The following KIAA1217 variants were observed in gnomAD, a reference collection of about 807,000 sequenced individuals.
KIAA1217 encodes the protein KIAA1217, also known as sickle tail protein homolog.
In KIAA1217, 88 loss-of-function variants were observed where a neutral mutation model predicts 163.9. That is an observed-to-expected ratio of 0.54 (90% CI 0.45 to 0.64). The LOEUF is 0.64. Among genes scored for constraint, KIAA1217 ranks in the 30% least tolerant of loss-of-function variants. KIAA1217 has a pLI of 0.00. For missense variants in KIAA1217, 2,372 were observed against 2,475.0 expected (o/e 0.96, Z 0.88); for synonymous variants, 903 against 923.1 (o/e 0.98, Z 0.39).
intron 1 of KIAA1217, among the ~76,000 whole-genome samples, chr10:23,772,426 A>G (rs971274489): frequency 2.0e-5 from 3 of 152,358 alleles, no homozygotes; most frequent in Admixed American, 6.5e-5. Flanking sequence ...AAAGGTAATA[A>G]TAATAATAAA....
chr10:24,473,678 A>C lies in KIAA1217; in HGVS notation c.1297A>C (p.Ser433Arg), dbSNP rs776777400. Reference sequence around the variant, plus strand: ...TCACCGCACCGCCATCCGGTCAGCGAGTGCTTATTGTAACCCCTCAATGCA... The same window carrying C: ...TCACCGCACCGCCATCCGGTCAGCGCGTGCTTATTGTAACCCCTCAATGCA... The part of the protein sequence containing the change: ...AYHRTAIRSA[S>R]AYCNPSMQAE... The change falls in exon 6 of 21, where the codon AGT becomes CGT. Residue 433 changes from serine to arginine, a missense_variant. Transcript: ENST00000376454. 3.7e-6 allele frequency: 6 copies of C among 1,614,108 alleles called. No homozygotes were observed. Among genetic ancestry groups the C allele is most frequent in the Non-Finnish European group, 5.1e-6 (6 of 1,180,030 alleles).
intron 2 of KIAA1217, among the ~76,000 whole-genome samples, chr10:24,349,590 C>T (rs1274519545): frequency 6.6e-6 from 1 of 152,224 alleles, no homozygotes; most frequent in Non-Finnish European, 1.5e-5. Flanking sequence ...CTTTGCAAAA[C>T]ACCTTCTTTT....
chr10:23,939,753 C>T (rs1843678319), intron 1 of KIAA1217, among the ~76,000 whole-genome samples: 1 of 151,466 alleles, frequency 6.6e-6, no homozygotes, highest in African/African-American at 2.4e-5. Flanking sequence ...AACAAGACTT[C>T]AACTAAATTG....
intron 2 of KIAA1217, among the ~76,000 whole-genome samples, chr10:24,286,422 A>G (rs2078539722): frequency 6.6e-6 from 1 of 151,772 alleles, no homozygotes; most frequent in African/African-American, 2.4e-5. Flanking sequence ...AACAAATTAT[A>G]TACATACACA....
chr10:23,897,049 G>A (rs963518955), intron 1 of KIAA1217, among the ~76,000 whole-genome samples: 7 of 152,002 alleles, frequency 4.6e-5, no homozygotes, highest in Non-Finnish European at 7.4e-5. Context: ...GGAAGCAAGT[G>A]ATAAATTTTT....
intron 5 of KIAA1217, chr10:24,466,857 A>G (rs187966090): frequency 4.4e-6 from 4 of 907,842 alleles, no homozygotes; most frequent in Non-Finnish European, 5.3e-6. Context: ...TTCTCTGCTT[A>G]CTTCATTGTG....
intron 2 of KIAA1217, among the ~76,000 whole-genome samples, chr10:24,014,338 G>A (rs1209488405): frequency 6.6e-6 from 1 of 152,090 alleles, no homozygotes; most frequent in African/African-American, 2.4e-5. Flanking sequence ...TCATATTCAG[G>A]CATAAGGTAA....
At chr10:24,258,866 T>C (rs1211144982) in intron 2 of KIAA1217, among the ~76,000 whole-genome samples, 1 of 152,172 alleles carries the variant, frequency 6.6e-6, no homozygotes, top group East Asian at 1.9e-4. Context: ...GTGCTGGGAT[T>C]ACAGGCGTGA....
At position 24,543,713 on chromosome 10, in the gene KIAA1217, G is replaced by A; in HGVS notation, c.4443G>A (p.Glu1481=). ...GAATGATGATGGAGGAAAAGATAGA[G>A]GAGGAGGAAGAGGAGGAAAATGGGG... ...LERMMMEEKI[E]EEEEEENGDS... The change falls in exon 19 of 21, where the codon GAG becomes GAA. Residue 1481 remains glutamate (E), a synonymous_variant. Coordinates refer to ENST00000376454, the MANE Select transcript of KIAA1217 (RefSeq NM_019590.5). 6.2e-7 allele frequency: 1 copy of A among 1,613,704 alleles called. No homozygotes were observed. Among genetic ancestry groups the A allele is most frequent in the South Asian group, 1.1e-5 (1 of 91,064 alleles).
chr10:24,223,990 T>C (rs1426119851), intron 2 of KIAA1217, among the ~76,000 whole-genome samples: 1 of 152,160 alleles, frequency 6.6e-6, no homozygotes, highest in Non-Finnish European at 1.5e-5. Flanking sequence ...CACTGGAAGA[T>C]TCACGGTTGC....
intron 2 of KIAA1217, among the ~76,000 whole-genome samples, chr10:24,037,497 C>A (rs568559748): frequency 6.6e-6 from 1 of 151,776 alleles, no homozygotes; most frequent in Admixed American, 6.6e-5. Context: ...CTCAAAAAAA[C>A]AAAAAAGCAA....
At chr10:24,050,830 T>C (rs2131581317) in intron 2 of KIAA1217, among the ~76,000 whole-genome samples, 1 of 152,290 alleles carries the variant, frequency 6.6e-6, no homozygotes, top group East Asian at 1.9e-4. Context: ...ACTCAATGCT[T>C]TTTTTCCTTC....
At chr10:24,118,148 G>C (rs1038774678) in intron 2 of KIAA1217, among the ~76,000 whole-genome samples, 1 of 145,300 alleles carries the variant, frequency 6.9e-6, no homozygotes, top group Non-Finnish European at 1.5e-5. Context: ...CTCAAATAAC[G>C]GTTAAAAAAA....
At position 24,533,188 on chromosome 10, in the gene KIAA1217, A is replaced by T; in HGVS notation, c.3365A>T (p.Asp1122Val). 2 of 1,613,478 alleles carry T rather than the reference A, an allele frequency of 1.2e-6. No individual in the cohort carries two copies. Among genetic ancestry groups the T allele is most frequent in the African/African-American group, 1.3e-5 (1 of 75,026 alleles). ...CCTGTCACCACCTCCTCCTCAAAGG[A>T]TGAGGAGGAAGAAGAAGAAGAAGGA... ...PPPVTTSSSK[D>V]EEEEEEEGDK... Residue 1122 changes from aspartate to valine, a missense_variant, in exon 16 of 21, where the codon GAT (aspartate) becomes GTT (valine). By Grantham distance (152) the Asp-to-Val change is radical. Coordinates refer to ENST00000376454, the MANE Select transcript of KIAA1217 (RefSeq NM_019590.5).
chr10:24,245,183 G>T (rs541624437), intron 2 of KIAA1217, among the ~76,000 whole-genome samples: 1 of 152,224 alleles, frequency 6.6e-6, no homozygotes, highest in South Asian at 2.1e-4. Flanking sequence ...CTTTCACTCC[G>T]TTTCACTTGC....
intron 3 of KIAA1217, among the ~76,000 whole-genome samples, chr10:24,402,111 C>G (rs1262993235): frequency 6.6e-6 from 1 of 152,194 alleles, no homozygotes; most frequent in African/African-American, 2.4e-5. Flanking sequence ...GAAGATGTCA[C>G]TGCTCTCCCA....
At chr10:24,384,300 A>G (rs7087482) in intron 3 of KIAA1217, among the ~76,000 whole-genome samples, 78,210 of 151,634 alleles carry the variant, frequency 0.52, 22,694 homozygotes, top group African/African-American at 0.8. Flanking sequence ...TTATCATTTT[A>G]TTTTTTAGGA....
intron 3 of KIAA1217, among the ~76,000 whole-genome samples, chr10:24,405,543 A>G (rs908159226): frequency 2.0e-5 from 3 of 152,232 alleles, no homozygotes; most frequent in African/African-American, 4.8e-5. Context: ...AAGTCCTCCT[A>G]TTTTCTAGAA....
chr10:24,519,978 C>T, intron 10 of KIAA1217, 145 bp from the exon 11 acceptor site: 1 of 868,534 alleles, frequency 1.2e-6, no homozygotes. Flanking sequence ...ATGAGCGACC[C>T]CCCTCCACCA....
Sources: allele counts gnomAD v4.1 joint callset (sites outside exome capture counted in the v4.1 genomes callset), GRCh38; gene constraint gnomAD v4.1.1; transcripts MANE v1.5; gene names NCBI Gene and HGNC (gene_info 2026-07-23, HGNC 2026-07-21).